Variants in CPNE5 observed in about 807,000 individuals in gnomAD.
The protein encoded by CPNE5 is copine-5.
In CPNE5, 42 loss-of-function variants were observed where a neutral mutation model predicts 81.1. The observed-to-expected ratio is 0.52, with a 90% CI of 0.40 to 0.67. The LOEUF is 0.67. CPNE5 is among the 30% of genes least tolerant of loss of function. The pLI is 0.00. For missense variants in CPNE5, 612 were observed against 815.5 expected, an observed-to-expected ratio of 0.75 and a Z score of 3.04; for synonymous variants, 313 against 321.5, an observed-to-expected ratio of 0.97 and a Z score of 0.28.
Position 36,761,227 on chromosome 6 carries a change from G to A in CPNE5, c.855+1690C>T, listed in dbSNP as rs868200956. Among the ~76,000 whole-genome samples, 6 of 152,226 alleles carry A rather than the reference G, an allele frequency of 3.9e-5. No individual in the cohort carries two copies. The South Asian group carries it at 6.2e-4, about 16-fold the overall frequency. ...TCTGACTGGGGTGGGGCGGGGGAGC[G>A]GGGACAAAGACAGCTTCTCTCTTTG... is the stretch of plus-strand genomic sequence containing the variant. On this transcript the variant is annotated intron_variant, in intron 12 of 20. Coordinates refer to ENST00000244751, the MANE Select transcript of CPNE5 (RefSeq NM_020939.2).
At chr6:36,818,922 C>T (rs931901938) in intron 3 of CPNE5, among the ~76,000 whole-genome samples, 1 of 152,186 alleles carries the variant, frequency 6.6e-6, no homozygotes, top group African/African-American at 2.4e-5. Flanking sequence ...AGGACATGAA[C>T]ACATTCCTGG....
chr6:36,765,225 C>CAG, intron 11 of CPNE5, 110 bp downstream of exon 11: 1 of 1,209,956 alleles, frequency 8.3e-7, no homozygotes, highest in African/African-American at 1.5e-5. Flanking sequence ...CCCTCACCCC[C>CAG]AGAGCCACTG....
rs925432264 is a variant in CPNE5 at position 36,815,432 on chromosome 6, G to A, written c.183+6682C>T. 3.3e-5 allele frequency among the ~76,000 whole-genome samples: 5 copies of A among 152,188 alleles called. No individual in the cohort carries two copies. The East Asian group carries it at 9.6e-4, about 29-fold the overall frequency. ...TGCTATTCAGAGGTGAGGCTTTGGGGAGGTGATTAGGTCAGGAGGGCAGAG... is the reference window on the plus strand; with the variant it reads ...TGCTATTCAGAGGTGAGGCTTTGGGAAGGTGATTAGGTCAGGAGGGCAGAG... On this transcript the variant is annotated intron_variant, in intron 3 of 20. Coordinates refer to ENST00000244751, the MANE Select transcript of CPNE5 (RefSeq NM_020939.2).
intron 1 of CPNE5, among the ~76,000 whole-genome samples, chr6:36,833,727 A>G (rs1349870426): frequency 6.6e-6 from 1 of 152,192 alleles, no homozygotes; most frequent in African/African-American, 2.4e-5. Context: ...AGAGCCTTGG[A>G]TAAGACCACA....
At chr6:36,791,593 G>A (rs992790234) in intron 8 of CPNE5, among the ~76,000 whole-genome samples, 11 of 152,090 alleles carry the variant, frequency 7.2e-5, no homozygotes, top group African/African-American at 2.2e-4. Flanking sequence ...CACTCCATCC[G>A]CCCCATGCAG....
At chr6:36,833,107 A>G (rs1180408845) in intron 1 of CPNE5, among the ~76,000 whole-genome samples, 1 of 152,114 alleles carries the variant, frequency 6.6e-6, no homozygotes, top group African/African-American at 2.4e-5. Context: ...GGCCTCCACC[A>G]CCATCCTCCT....
At chr6:36,815,141 T>C (rs1012381682) in intron 3 of CPNE5, among the ~76,000 whole-genome samples, 3 of 141,654 alleles carry the variant, frequency 2.1e-5, no homozygotes, top group African/African-American at 2.7e-5. Context: ...CTGGGCGACA[T>C]AGCAAGACTC....
chr6:36,802,149 G>T (rs1770167171), intron 3 of CPNE5, among the ~76,000 whole-genome samples: 1 of 148,404 alleles, frequency 6.7e-6, no homozygotes, highest in African/African-American at 2.5e-5. Context: ...AACCCAGGAG[G>T]CGGAGGTTGC....
intron 6 of CPNE5, among the ~76,000 whole-genome samples, chr6:36,796,177 G>A (rs746079530): frequency 1.1e-4 from 17 of 152,282 alleles, no homozygotes; most frequent in South Asian, 2.1e-4. Flanking sequence ...TCAAACTCCC[G>A]ACCTCAGGTG....
At chr6:36,788,210 T>C (rs1239313936) in intron 8 of CPNE5, among the ~76,000 whole-genome samples, 1 of 149,656 alleles carries the variant, frequency 6.7e-6, no homozygotes, top group South Asian at 2.1e-4. Context: ...TAAAAAAATT[T>C]TTTTGTAGAG....
intron 10 of CPNE5, among the ~76,000 whole-genome samples, chr6:36,771,122 C>T (rs966687369): frequency 2.6e-5 from 4 of 152,176 alleles, no homozygotes; most frequent in Non-Finnish European, 2.9e-5. Flanking sequence ...GCCAGAAGGA[C>T]GTTAATGCTT....
upstream of CPNE5, chr6:36,839,481 C>G: frequency 1.0e-6 from 1 of 979,168 alleles, no homozygotes; most frequent in Non-Finnish European, 1.5e-6. The surrounding 1 kb of genome is among the most constrained non-coding windows in gnomAD (Gnocchi z 7.3). Flanking sequence ...AGAGCCTGGG[C>G]TGGGCGGCAA....
chr6:36,785,821 TG>T (rs1208295985), intron 8 of CPNE5, among the ~76,000 whole-genome samples: 1 of 152,148 alleles, frequency 6.6e-6, no homozygotes, highest in East Asian at 1.9e-4. Context: ...AAAATCAGCC[TG>T]GCCAACATGG....
At chr6:36,810,401 G>T (rs1044714411) in intron 3 of CPNE5, among the ~76,000 whole-genome samples, 2 of 152,206 alleles carry the variant, frequency 1.3e-5, no homozygotes, top group African/African-American at 4.8e-5. Flanking sequence ...TAAAAGCCTC[G>T]CTGCAGAGCC....
rs769574711 is a variant in CPNE5, at chr6:36,774,958, CACCG to C, written c.736_737+2del. On this transcript the variant is annotated splice_donor_variant and coding_sequence_variant, in exon 10 of 21. Coordinates refer to ENST00000244751, the MANE Select transcript of CPNE5 (RefSeq NM_020939.2). LOFTEE classifies it high-confidence loss of function. ...AAAAAGAAGGGACATTTTCTCATCTCACCGATCGTAGTCGCCGTTGCAGAGGGCT... is the reference window on the plus strand; with the variant it reads ...AAAAAGAAGGGACATTTTCTCATCTCATCGTAGTCGCCGTTGCAGAGGGCT... The C allele has an allele frequency of 6.2e-7, 1 of 1,610,830 alleles. No individual in the cohort carries two copies. The highest frequency in any genetic ancestry group is 8.5e-7 in the Non-Finnish European group (1 of 1,177,036).
Position 36,762,992 on chromosome 6 carries a change from G to A in CPNE5, c.780C>T (p.Ser260=). The A allele has an allele frequency of 1.2e-6, 2 of 1,614,062 alleles. No homozygotes were observed. Among genetic ancestry groups the A allele is most frequent in the Non-Finnish European group, 1.7e-6 (2 of 1,179,924 alleles). The change falls in exon 12 of 21, where the codon AGC becomes AGT. Residue 260 remains serine, a splice_region_variant and synonymous_variant. Coordinates refer to ENST00000244751, the MANE Select transcript of CPNE5 (RefSeq NM_020939.2). Reference sequence around the variant, plus strand: ...TGGTGAACTCCCCAATGAAGTCATGGCTGCAAGGGAAGACGGCTGCTGAGA... The same window carrying A: ...TGGTGAACTCCCCAATGAAGTCATGACTGCAAGGGAAGACGGCTGCTGAGA... ...VEVYDWDRDG[S]HDFIGEFTTS...
rs1766182551 is a variant in CPNE5, at chr6:36,762,843, G to A, written c.855+74C>T. 7.5e-6 allele frequency: 9 copies of A among 1,201,276 alleles called. No individual in the cohort carries two copies. The East Asian group carries it at 2.1e-4, about 28-fold the overall frequency. 74.4% of individuals were successfully genotyped at this position (1,201,276 alleles called of 1,614,324 possible). A position where few individuals can be genotyped will look rare whatever the true frequency, so the allele number is the denominator to read the frequency against. On this transcript the variant is annotated intron_variant, in intron 12 of 20. Coordinates refer to ENST00000244751, the MANE Select transcript of CPNE5 (RefSeq NM_020939.2). ...AAACACACCAAGCCCCCAGCCCAGT[G>A]CATGGCTCACTACAGTCCTCAGTGA...
chr6:36,812,005 G>A (rs1161092219), intron 3 of CPNE5, among the ~76,000 whole-genome samples: 1 of 152,204 alleles, frequency 6.6e-6, no homozygotes, highest in East Asian at 1.9e-4. Context: ...TCGGGAGGCT[G>A]AGGCAGGAGA....
chr6:36,818,089 C>T (rs563977877), intron 3 of CPNE5, among the ~76,000 whole-genome samples: 5 of 152,254 alleles, frequency 3.3e-5, no homozygotes, highest in Non-Finnish European at 2.9e-5. Flanking sequence ...GTCCTGCCCC[C>T]GTCTGTAGGA....
Sources: allele counts gnomAD v4.1 joint callset (sites outside exome capture counted in the v4.1 genomes callset), GRCh38; gene constraint gnomAD v4.1.1; non-coding constraint Gnocchi (gnomAD v3.1); transcripts MANE v1.5; gene names NCBI Gene and HGNC (gene_info 2026-07-23, HGNC 2026-07-21).